ELP5: variants seen among roughly 807,000 people sequenced by gnomAD.
ELP5 encodes elongator acetyltransferase complex subunit 5, also known as elongator complex protein 5.
Under a neutral mutation model 33.4 loss-of-function variants are expected in ELP5, and 34 were observed. That is an observed-to-expected ratio of 1.02 (90% CI 0.78 to 1.36). The LOEUF (loss-of-function observed/expected upper bound fraction) is 1.36. ELP5 is among the 40% of genes most tolerant of loss of function. The pLI is 0.00. For missense variants in ELP5, 373 were observed against 371.7 expected, an observed-to-expected ratio of 1.00 and a Z score of -0.03; for synonymous variants, 161 against 146.4, an observed-to-expected ratio of 1.10 and a Z score of -0.72.
intron 3 of ELP5, among the ~76,000 whole-genome samples, chr17:7,253,800 A>T (rs985741271): frequency 1.3e-5 from 2 of 152,196 alleles, no homozygotes. Flanking sequence ...GTTCGAGACC[A>T]GCCTGACCAA....
chr17:7,253,922 A>G (rs2072012298), intron 3 of ELP5, among the ~76,000 whole-genome samples: 1 of 151,696 alleles, frequency 6.6e-6, no homozygotes, highest in Non-Finnish European at 1.5e-5. Context: ...GCTTGAACCC[A>G]GGAGGCAGAG....
At position 7,252,956 on chromosome 17, in the gene ELP5, A is replaced by C. The variant is rs373327234; in HGVS notation, c.146A>C (p.Glu49Ala). ...CATATCCTGGGCTGTGAAGTGAGCG[A>C]GGAAGAGTTTCGTGAAGGTTTTGAC... ...QVHILGCEVS[E>A]EEFREGFDSD... The change falls in exon 3 of 8, where the codon GAG becomes GCG. Residue 49 changes from glutamate to alanine, a missense_variant. Coordinates refer to ENST00000396628, the MANE Select transcript of ELP5 (RefSeq NM_203414.3). 2 of 1,614,208 alleles carry C rather than the reference A, an allele frequency of 1.2e-6. No homozygotes were observed. Among genetic ancestry groups the C allele is most frequent in the Non-Finnish European group, 1.7e-6 (2 of 1,180,034 alleles).
rs927545006 is a variant in ELP5, at chr17:7,258,638, G to A, written c.642G>A (p.Gly214=). 3 of 1,614,000 alleles carry A rather than the reference G, an allele frequency of 1.9e-6. No individual in the cohort carries two copies. Among genetic ancestry groups the A allele is most frequent in the African/African-American group, 1.3e-5 (1 of 74,886 alleles). Residue 214 remains glycine (G), a synonymous_variant, in exon 6 of 8, where the codon GGG becomes GGA. Transcript: ENST00000396628. ...LPDFSLDLQE[G]PSVESQPYSD... is the part of the protein sequence containing the mutation. ...ACTTCAGCCTGGATCTCCAAGAGGG[G>A]CCCTCTGTAGAGTCCCAGCCCTACT...
intron 3 of ELP5, among the ~76,000 whole-genome samples, chr17:7,253,595 C>G (rs1291513101): frequency 1.3e-5 from 2 of 152,198 alleles, no homozygotes; most frequent in Non-Finnish European, 2.9e-5. Flanking sequence ...TTTCTACTTC[C>G]TAGTCCCGGC....
chr17:7,256,179 C>G (rs561745525), intron 4 of ELP5, among the ~76,000 whole-genome samples: 73 of 152,218 alleles, frequency 4.8e-4, no homozygotes, highest in African/African-American at 1.7e-3. Flanking sequence ...GCTGAAACCC[C>G]GTCTCTACCA....
chr17:7,259,286 G>A (rs1379420599), intron 7 of ELP5: 16 of 1,377,810 alleles, frequency 1.2e-5, no homozygotes, highest in Non-Finnish European at 1.5e-5. Flanking sequence ...GTACACGCTT[G>A]CTGTTCTGTG....
intron 5 of ELP5, among the ~76,000 whole-genome samples, 161 bp downstream of exon 5, chr17:7,257,199 G>A (rs1348052964): frequency 6.6e-6 from 1 of 152,054 alleles, no homozygotes; most frequent in Non-Finnish European, 1.5e-5. Context: ...TCAAACTTCT[G>A]GGCTCAAGTG....
chr17:7,251,730 G>C (rs1408243396), upstream of ELP5: 1 of 153,576 alleles, frequency 6.5e-6, no homozygotes, highest in Non-Finnish European at 1.4e-5. Flanking sequence ...GCGCGCTAGG[G>C]GGCTGCTCGC....
intron 3 of ELP5, among the ~76,000 whole-genome samples, chr17:7,253,573 T>C (rs1053615631): frequency 6.6e-6 from 1 of 152,338 alleles, no homozygotes; most frequent in East Asian, 1.9e-4. Flanking sequence ...TTAAGAACCA[T>C]TAGTAGGATG....
rs1177653051 is a variant in ELP5 at position 7,259,852 on chromosome 17, C to T, written c.*167C>T. The stretch of plus-strand genomic sequence containing the variant: ...GCCAGGAAGCAGCGTCTCATCAGGA[C>T]AGAAGGTAGGATGAAGACATGGGGT... On this transcript the variant is annotated 3_prime_UTR_variant, in exon 8 of 8. Transcript: ENST00000396628. The T allele has an allele frequency of 3.2e-6, 4 of 1,242,538 alleles. No homozygotes were observed. Among genetic ancestry groups the T allele is most frequent in the Middle Eastern group, 2.6e-4 (1 of 3,796 alleles). The allele number at this position is 1,242,538 out of a possible 1,614,324, so 77.0% of individuals were successfully genotyped here.
At chr17:7,253,847 A>G (rs1259394475) in intron 3 of ELP5, among the ~76,000 whole-genome samples, 3 of 152,130 alleles carry the variant, frequency 2.0e-5, no homozygotes. Flanking sequence ...AATACAAAAA[A>G]TTACCTGGGC....
chr17:7,252,422 C>G lies in ELP5; in HGVS notation c.-129C>G, dbSNP rs2071955667. On this transcript the variant is annotated 5_prime_UTR_variant, in exon 1 of 8. Transcript: ENST00000396628. ...ATATTGAACATAATCACCTCTCATT[C>G]CAGACTATGTTAGGTCTTAATGGTG... 2 of 1,410,786 alleles carry G rather than the reference C, an allele frequency of 1.4e-6. No individual in the cohort carries two copies. The highest frequency in any genetic ancestry group is 1.4e-5 in the African/African-American group (1 of 71,560). 87.4% of individuals were successfully genotyped at this position (1,410,786 alleles called of 1,614,324 possible). A position where few individuals can be genotyped will look rare whatever the true frequency, so the allele number is the denominator to read the frequency against.
chr17:7,257,088 G>C, intron 5 of ELP5, 50 bp downstream of exon 5: 1 of 1,483,436 alleles, frequency 6.7e-7, no homozygotes, highest in Non-Finnish European at 8.9e-7. Context: ...AGAGAAAGGG[G>C]TGGCACGATG....
chr17:7,257,122 G>A (rs2072096214), intron 5 of ELP5, 84 bp downstream of exon 5: 7 of 1,390,898 alleles, frequency 5.0e-6, no homozygotes, highest in South Asian at 3.0e-5. Flanking sequence ...AAATGCTGAT[G>A]TTTCAAGGAG....
At position 7,254,715 on chromosome 17, in the gene ELP5, C is replaced by T. The variant is rs367705087; in HGVS notation, c.321C>T (p.Leu107=). 94 of 1,614,076 alleles carry T rather than the reference C, an allele frequency of 5.8e-5. No homozygotes were observed. Among genetic ancestry groups the T allele is most frequent in the African/African-American group, 1.1e-4 (8 of 75,000 alleles). ...ATCCTGTTCCTGTCACCATTGCTCT[C>T]GATTCACTCAGCTGGCTGCTACTTC... ...RTDPVPVTIA[L]DSLSWLLLRL... is the part of the protein sequence containing the mutation. Residue 107 remains leucine, a synonymous_variant, in exon 4 of 8, where the codon CTC becomes CTT. Transcript: ENST00000396628.
At chr17:7,259,391 C>T (rs939011381) in intron 7 of ELP5, 180 bp from the exon 8 acceptor site, 1 of 1,431,234 alleles carries the variant, frequency 7.0e-7, no homozygotes, top group Non-Finnish European at 9.1e-7. Flanking sequence ...ACAAGGGTAT[C>T]TATCCCAGTA....
At position 7,252,458 on chromosome 17, in the gene ELP5, C is replaced by T. The variant is rs770246758; in HGVS notation, c.-93C>T. On this transcript the variant is annotated 5_prime_UTR_variant, in exon 1 of 8. Coordinates refer to ENST00000396628, the MANE Select transcript of ELP5 (RefSeq NM_203414.3). ...TAGGTCTTAATGGTGGGAGGACGCC[C>T]GAGTGCTCGGCCCGTTTCACCCCGA... is the stretch of plus-strand genomic sequence containing the variant. 3.2e-6 allele frequency: 5 copies of T among 1,584,400 alleles called. No individual in the cohort carries two copies. Among genetic ancestry groups the T allele is most frequent in the African/African-American group, 2.7e-5 (2 of 74,506 alleles).
intron 5 of ELP5, 55 bp from the exon 6 acceptor site, chr17:7,258,533 G>C (rs965289011): frequency 6.4e-7 from 1 of 1,555,436 alleles, no homozygotes; most frequent in African/African-American, 1.4e-5. Context: ...AGGTCCTGGA[G>C]TCTGTCTAGT....
chr17:7,256,863 G>A lies in ELP5; in HGVS notation c.416G>A (p.Ser139Asn), dbSNP rs1368846608. 1 of 1,614,100 alleles carries A rather than the reference G, an allele frequency of 6.2e-7. No homozygotes were observed. Among genetic ancestry groups the A allele is most frequent in the Admixed American group, 1.7e-5 (1 of 60,000 alleles). Residue 139 changes from serine to asparagine, a missense_variant, in exon 5 of 8, where the codon AGC (serine) becomes AAC (asparagine). By Grantham distance (46) the Ser-to-Asn change is conservative. Coordinates refer to ENST00000396628, the MANE Select transcript of ELP5 (RefSeq NM_203414.3). ...VSHQDSCPGD[S>N]SSVGKVSVLG... is the part of the protein sequence containing the mutation. ...ATTTCTTGTCCTCCTCTAGGTGACA[G>A]CTCCTCAGTGGGGAAAGTGAGTGTG...
Sources: allele counts gnomAD v4.1 joint callset (sites outside exome capture counted in the v4.1 genomes callset), GRCh38; gene constraint gnomAD v4.1.1; transcripts MANE v1.5; gene names NCBI Gene and HGNC (gene_info 2026-07-23, HGNC 2026-07-21).